RLN2: variants seen among roughly 807,000 people sequenced by gnomAD.
RLN2 encodes the protein prorelaxin H2.
In RLN2, 10 loss-of-function variants were observed where a neutral mutation model predicts 7.3. The observed-to-expected ratio is 1.36, with a 90% CI of 0.84 to 2.31. RLN2 has a LOEUF of 2.31. Among genes scored for constraint, RLN2 ranks in the 30% most tolerant of loss-of-function variants. The probability of loss-of-function intolerance (pLI) is 0.00; values close to 1 mark genes in which losing one functional copy is unlikely to be tolerated. For missense variants in RLN2, 298 were observed against 217.6 expected (o/e 1.37, Z -2.32); for synonymous variants, 103 against 82.3 (o/e 1.25, Z -1.36).
chr9:5,307,280 GATAGATAGATA>G (rs1563738070), upstream of RLN2, among the ~76,000 whole-genome samples: 1 of 70,414 alleles, frequency 1.4e-5, no homozygotes, highest in Admixed American at 1.3e-4. Context: ...AGGATAGATA[GATAGATAGATA>G]GATAGATAGA....
the RLN2 span, among the ~76,000 whole-genome samples, chr9:5,326,774 T>G: frequency 2.0e-5 from 3 of 152,078 alleles, no homozygotes; most frequent in Admixed American, 6.6e-5. Context: ...TAATGTTTTT[T>G]AAATTTAGGA....
the RLN2 span, among the ~76,000 whole-genome samples, chr9:5,333,905 C>G: frequency 6.6e-6 from 1 of 152,082 alleles, no homozygotes; most frequent in East Asian, 1.9e-4. Flanking sequence ...ATAAACAGAA[C>G]TAAAGACAAA....
At chr9:5,304,129 G>A in intron 1 of RLN2, 2 of 383,596 alleles carry the variant, frequency 5.2e-6, no homozygotes, top group Non-Finnish European at 8.8e-6. Context: ...GGGTGAAGCA[G>A]CTTCCTGTTC....
At chr9:5,318,017 T>G in the RLN2 span, among the ~76,000 whole-genome samples, 1 of 151,574 alleles carries the variant, frequency 6.6e-6, no homozygotes, top group Non-Finnish European at 1.5e-5. Context: ...CGTGTGTGTG[T>G]GTGTGTGTGT....
At chr9:5,320,089 C>A in the RLN2 span, among the ~76,000 whole-genome samples, 1 of 150,976 alleles carries the variant, frequency 6.6e-6, no homozygotes, top group African/African-American at 2.4e-5. Flanking sequence ...GGATTCAAGC[C>A]ATTCTCCTGC....
At chr9:5,311,827 T>C in the RLN2 span, 2 of 620,938 alleles carry the variant, frequency 3.2e-6, no homozygotes, top group East Asian at 2.9e-5. Context: ...GTATTTTTTT[T>C]CTTTTTTTTT....
chr9:5,313,105 A>C, the RLN2 span, among the ~76,000 whole-genome samples: 1 of 151,988 alleles, frequency 6.6e-6, no homozygotes, highest in Non-Finnish European at 1.5e-5. Flanking sequence ...TTTGACCCAA[A>C]GTGTAGTTCA....
the RLN2 span, among the ~76,000 whole-genome samples, chr9:5,327,569 A>T: frequency 6.6e-6 from 1 of 152,058 alleles, no homozygotes; most frequent in African/African-American, 2.4e-5. Flanking sequence ...TCAGCACGGC[A>T]TTCGAGCTTT....
At chr9:5,304,738 G>T, upstream of RLN2, 1 of 702,504 alleles carries the variant, frequency 1.4e-6, no homozygotes, top group Non-Finnish European at 2.4e-6. Flanking sequence ...CTATCACTCA[G>T]CTTTTAAGGC....
At chr9:5,335,277 T>A in the RLN2 span, 19 of 1,594,918 alleles carry the variant, frequency 1.2e-5, no homozygotes, top group Admixed American at 2.0e-4. Flanking sequence ...AGAGACCTTT[T>A]GGTACAACCA....
the RLN2 span, chr9:5,311,783 CAA>C: frequency 1.4e-6 from 1 of 732,396 alleles, no homozygotes; most frequent in Non-Finnish European, 2.3e-6. Flanking sequence ...ATTTTTTTAT[CAA>C]GTTTTATAAA....
At chr9:5,335,285 C>G in the RLN2 span, 2 of 1,598,314 alleles carry the variant, frequency 1.3e-6, no homozygotes, top group African/African-American at 1.4e-5. Context: ...TTTGGTACAA[C>G]CAATTAGGCA....
chr9:5,319,945 T>C, the RLN2 span, among the ~76,000 whole-genome samples: 119 of 151,624 alleles, frequency 7.8e-4, 1 homozygote, highest in African/African-American at 2.8e-3. Flanking sequence ...TTTGATCAGA[T>C]ACCATTAAGA....
At chr9:5,305,695 CAGATT>C (rs1365208439), upstream of RLN2, among the ~76,000 whole-genome samples, 2 of 151,978 alleles carry the variant, frequency 1.3e-5, no homozygotes, top group Admixed American at 6.6e-5. Context: ...ATAATATACT[CAGATT>C]AGTTCAGCTC....
chr9:5,326,243 G>C, the RLN2 span, among the ~76,000 whole-genome samples: 4 of 152,024 alleles, frequency 2.6e-5, no homozygotes, highest in African/African-American at 9.7e-5. Context: ...TTTGAGTAGT[G>C]TCAATGGTAA....
At chr9:5,332,179 AAAGT>A in the RLN2 span, among the ~76,000 whole-genome samples, 3 of 152,042 alleles carry the variant, frequency 2.0e-5, no homozygotes, top group African/African-American at 7.3e-5. Flanking sequence ...GAAATTTTAA[AAAGT>A]AAGACTCACA....
chr9:5,333,158 T>C, the RLN2 span, among the ~76,000 whole-genome samples: 1 of 152,036 alleles, frequency 6.6e-6, no homozygotes, highest in Non-Finnish European at 1.5e-5. Context: ...TTCTTATTAA[T>C]GGTCACAGAT....
chr9:5,327,508 T>A, the RLN2 span, among the ~76,000 whole-genome samples: 2 of 152,114 alleles, frequency 1.3e-5, no homozygotes, highest in African/African-American at 4.8e-5. Flanking sequence ...AGACAACTTC[T>A]GCAGACTTAA....
chr9:5,302,525 C>G (rs1431060577), intron 1 of RLN2, among the ~76,000 whole-genome samples: 1 of 152,160 alleles, frequency 6.6e-6, no homozygotes, highest in Non-Finnish European at 1.5e-5. Flanking sequence ...TAATGGTAAA[C>G]ATTTGTCTTA....
Sources: gnomAD v4.1 joint callset for allele counts (sites outside exome capture counted in the v4.1 genomes callset) on GRCh38, gnomAD v4.1.1 for gene constraint, MANE v1.5 for transcripts, NCBI Gene and HGNC (gene_info 2026-07-23, HGNC 2026-07-21) for gene names.